Variants in WSCD1 observed in about 807,000 individuals in gnomAD.
WSCD1 encodes the protein sialate:O-sulfotransferase 1.
A neutral mutation model predicts 60.4 loss-of-function variants in WSCD1; 41 were observed. The ratio of observed to expected loss-of-function variants is 0.68; its 90% CI spans 0.53 to 0.88. The LOEUF (loss-of-function observed/expected upper bound fraction) is 0.88, where lower values mean the gene tolerates loss of function less well. Among genes scored for constraint, WSCD1 ranks in the 40% least tolerant of loss-of-function variants. The pLI is 0.00. For missense variants in WSCD1, 784 were observed against 796.2 expected (o/e 0.98, Z 0.18); for synonymous variants, 361 against 332.5 (o/e 1.09, Z -0.93).
intron 7 of WSCD1, among the ~76,000 whole-genome samples, chr17:6,111,514 A>C (rs537394906): frequency 6.6e-6 from 1 of 152,282 alleles, no homozygotes; most frequent in East Asian, 1.9e-4. Flanking sequence ...CAGCCTGACC[A>C]ATATGGTGAA....
At position 6,122,392 on chromosome 17, in the gene WSCD1, A is replaced by G. The variant is rs551514931; in HGVS notation, c.*1731A>G. The G allele has an allele frequency of 1.3e-5, 2 of 152,392 alleles. No individual in the cohort carries two copies. The highest frequency in any genetic ancestry group is 2.4e-5 in the African/African-American group (1 of 41,590). The allele number at this position is 152,392 out of a possible 1,614,324, so 9.4% of individuals were successfully genotyped here. A position where few individuals can be genotyped will look rare whatever the true frequency, so the allele number is the denominator to read the frequency against. On this transcript the variant is annotated 3_prime_UTR_variant, in exon 9 of 9. Transcript: ENST00000317744. ...ATGCGAAGCTGTTCTTGACCCTCCC[A>G]TAGCATCAACTCAGTTCAGCTCAAA...
chr17:6,104,428 G>A (rs1241099983), intron 5 of WSCD1, among the ~76,000 whole-genome samples: 3 of 152,162 alleles, frequency 2.0e-5, no homozygotes, highest in South Asian at 2.1e-4. Context: ...CCAGTTGCTC[G>A]TTGGCAGTCC....
chr17:6,082,221 A>G (rs1259371054), intron 2 of WSCD1, among the ~76,000 whole-genome samples: 1 of 152,166 alleles, frequency 6.6e-6, no homozygotes, highest in Non-Finnish European at 1.5e-5. Context: ...CCTAGAAGCA[A>G]ACTCTGAAAC....
chr17:6,091,944 C>T (rs1910074176), intron 4 of WSCD1, among the ~76,000 whole-genome samples: 2 of 152,144 alleles, frequency 1.3e-5, no homozygotes, highest in Admixed American at 1.3e-4. Flanking sequence ...ATCATGAGGT[C>T]AGGAGTTCGA....
chr17:6,079,181 A>G (rs140235891), intron 1 of WSCD1, among the ~76,000 whole-genome samples: 2,266 of 152,306 alleles, frequency 0.015, 61 homozygotes, highest in African/African-American at 0.051. Flanking sequence ...CTGGAATGCC[A>G]GCCCAAACAT....
intron 2 of WSCD1, 147 bp downstream of exon 2, chr17:6,081,232 G>A: frequency 9.7e-7 from 1 of 1,030,542 alleles, no homozygotes; most frequent in Non-Finnish European, 1.4e-6. Flanking sequence ...GAAGGGGCCT[G>A]CGATGCGAAG....
At chr17:6,077,765 T>A (rs1467173081) in intron 1 of WSCD1, among the ~76,000 whole-genome samples, 1 of 152,246 alleles carries the variant, frequency 6.6e-6, no homozygotes, top group Non-Finnish European at 1.5e-5. Context: ...GTTGAACTCC[T>A]GCCTGCCTTT....
At chr17:6,114,952 T>A (rs1405889728) in intron 7 of WSCD1, among the ~76,000 whole-genome samples, 1 of 152,198 alleles carries the variant, frequency 6.6e-6, no homozygotes, top group Non-Finnish European at 1.5e-5. Flanking sequence ...TTTGGTTTTC[T>A]GTTGCTGTGT....
chr17:6,076,439 G>A (rs942099709), intron 1 of WSCD1, among the ~76,000 whole-genome samples: 2 of 152,190 alleles, frequency 1.3e-5, no homozygotes, highest in African/African-American at 4.8e-5. Context: ...GGGGCTCAGA[G>A]CTGGGGAGAG....
chr17:6,088,382 C>CT (rs1909798112), intron 3 of WSCD1, among the ~76,000 whole-genome samples: 1 of 151,970 alleles, frequency 6.6e-6, no homozygotes, highest in Non-Finnish European at 1.5e-5. Flanking sequence ...GGTGCTGGTG[C>CT]TGGGTGCAGG....
At chr17:6,103,056 T>G (rs1411628180) in intron 5 of WSCD1, among the ~76,000 whole-genome samples, 2 of 152,184 alleles carry the variant, frequency 1.3e-5, no homozygotes, top group Admixed American at 6.5e-5. Context: ...TTTAGAGTCG[T>G]GGTAACCTGG....
intron 3 of WSCD1, among the ~76,000 whole-genome samples, chr17:6,088,856 C>G (rs1909831417): frequency 6.6e-6 from 1 of 151,414 alleles, no homozygotes; most frequent in African/African-American, 2.4e-5. Flanking sequence ...GATCTCCACT[C>G]ACTGCAAGCT....
rs750300169 is a variant in WSCD1, at chr17:6,095,090, CT to C, written c.728-8del. 3 of 1,605,152 alleles carry C rather than the reference CT, an allele frequency of 1.9e-6. No homozygotes were observed. In the East Asian group the frequency reaches 6.7e-5, roughly 36 times the overall value. On this transcript the variant is annotated splice_polypyrimidine_tract_variant and intron_variant, in intron 4 of 8. Transcript: ENST00000317744. ...ACCATCTCTTACCAGAAACCCCTCTCTTTTCCCCCAGGGCGGACCGCCACCT... is the reference window on the plus strand; with the variant it reads ...ACCATCTCTTACCAGAAACCCCTCTCTTTCCCCCAGGGCGGACCGCCACCT...
chr17:6,116,569 T>A (rs1911694708), intron 7 of WSCD1, among the ~76,000 whole-genome samples: 1 of 152,226 alleles, frequency 6.6e-6, no homozygotes, highest in African/African-American at 2.4e-5. Context: ...TGTTAAAGAC[T>A]AGATCTCAAG....
Position 6,080,653 on chromosome 17 carries a change from A to C in WSCD1, c.-6A>C, listed in dbSNP as rs199850836. On this transcript the variant is annotated 5_prime_UTR_variant, in exon 2 of 9. Transcript: ENST00000317744. The surrounding 1 kb of genome is among the most constrained non-coding windows in gnomAD (Gnocchi z 6.6). Reference sequence around the variant, plus strand: ...GCTCCAGCCAGGAGCCCTGCTGCCCAGGGGCATGGCCAAACCTTTCTTCCG... The same window carrying C: ...GCTCCAGCCAGGAGCCCTGCTGCCCCGGGGCATGGCCAAACCTTTCTTCCG... 68 of 1,613,370 alleles carry C rather than the reference A, an allele frequency of 4.2e-5. No homozygotes were observed. The East Asian group carries it at 1.5e-3, about 35-fold the overall frequency.
chr17:6,088,805 C>A (rs1412838607), intron 3 of WSCD1, among the ~76,000 whole-genome samples: 1 of 133,806 alleles, frequency 7.5e-6, no homozygotes, highest in African/African-American at 2.9e-5. Context: ...TTTTTTGAGA[C>A]GGAGTCTCGC....
chr17:6,079,358 T>G (rs1597350355), intron 1 of WSCD1, among the ~76,000 whole-genome samples: 1 of 152,144 alleles, frequency 6.6e-6, no homozygotes, highest in East Asian at 1.9e-4. Context: ...GCTAAGGGCT[T>G]TGCTCACGCA....
intron 5 of WSCD1, among the ~76,000 whole-genome samples, chr17:6,108,263 CTTAT>C (rs572533194): frequency 1.6e-4 from 25 of 152,160 alleles, no homozygotes; most frequent in Non-Finnish European, 3.4e-4. Flanking sequence ...TTTTCTTTTT[CTTAT>C]TTATTTATGA....
At chr17:6,087,311 T>C (rs1239457417) in intron 2 of WSCD1, among the ~76,000 whole-genome samples, 2 of 152,090 alleles carry the variant, frequency 1.3e-5, no homozygotes, top group Non-Finnish European at 2.9e-5. Flanking sequence ...AGCATGAGTG[T>C]CCCCAGTATC....
Sources: gnomAD v4.1 joint callset for allele counts (sites outside exome capture counted in the v4.1 genomes callset) on GRCh38, gnomAD v4.1.1 for gene constraint, Gnocchi (gnomAD v3.1) non-coding constraint, MANE v1.5 for transcripts, NCBI Gene and HGNC (gene_info 2026-07-23, HGNC 2026-07-21) for gene names.